The following PTHLH variants were observed in gnomAD, a reference collection of about 807,000 sequenced individuals.
PTHLH encodes the protein parathyroid hormone-related protein.
In PTHLH, 5 loss-of-function variants were observed where a neutral mutation model predicts 18.6. The observed-to-expected ratio is 0.27, with a 90% CI of 0.14 to 0.56. The LOEUF is 0.56. Among genes scored for constraint, PTHLH ranks in the 20% least tolerant of loss-of-function variants. The probability of loss-of-function intolerance (pLI) is 0.92; values close to 1 mark genes in which losing one functional copy is unlikely to be tolerated. For missense variants in PTHLH, 207 were observed against 223.9 expected (o/e 0.92, Z 0.48); for synonymous variants, 90 against 94.0 (o/e 0.96, Z 0.25).
intron 4 of PTHLH, chr12:27,969,151 C>T: frequency 1.8e-6 from 1 of 545,884 alleles, no homozygotes; most frequent in South Asian, 2.3e-5. Context: ...CTGTGAAACG[C>T]TCCCTCTTAT....
chr12:27,968,163 C>T (rs146791158), intron 4 of PTHLH, among the ~76,000 whole-genome samples: 2 of 152,070 alleles, frequency 1.3e-5, no homozygotes, highest in South Asian at 2.1e-4. Flanking sequence ...TACAATGCAG[C>T]CTTATCTTCG....
intron 4 of PTHLH, among the ~76,000 whole-genome samples, chr12:27,966,603 C>A (rs1017951451): frequency 4.6e-5 from 7 of 152,072 alleles, no homozygotes; most frequent in Non-Finnish European, 1.0e-4. Flanking sequence ...GTCTTTTACT[C>A]AATTTGTCTG....
At position 27,963,408 on chromosome 12, in the gene PTHLH, C is replaced by G; in HGVS notation, c.464G>C (p.Ser155Thr). The G allele has an allele frequency of 6.2e-7, 1 of 1,614,230 alleles. No individual in the cohort carries two copies. Among genetic ancestry groups the G allele is most frequent in the Non-Finnish European group, 8.5e-7 (1 of 1,180,046 alleles). Reference protein sequence around the residue: ...SAWLDSGVTGSGLEGDHLSDT... With the variant: ...SAWLDSGVTGTGLEGDHLSDT... ...AGACAGGTGGTCCCCTTCTAGCCCA[C>G]TCCCAGTCACTCCAGAGTCTAACCA... is the stretch of plus-strand genomic sequence containing the variant. Residue 155 changes from serine to threonine, a missense_variant, in exon 5 of 6, where the codon AGT becomes ACT. Coordinates refer to ENST00000545234, the MANE Select transcript of PTHLH (RefSeq NM_198965.2).
chr12:27,966,866 G>T (rs2120654026), intron 4 of PTHLH, among the ~76,000 whole-genome samples: 1 of 152,258 alleles, frequency 6.6e-6, no homozygotes, highest in South Asian at 2.1e-4. Flanking sequence ...AGGAACAGAG[G>T]GCATAAAAAC....
intron 5 of PTHLH, among the ~76,000 whole-genome samples, chr12:27,959,722 A>G (rs1183325449): frequency 6.6e-6 from 1 of 152,226 alleles, no homozygotes; most frequent in African/African-American, 2.4e-5. Context: ...AAAGTGTTTT[A>G]ATGTCTTAGG....
chr12:27,962,987 T>G, intron 5 of PTHLH: 2 of 1,156,926 alleles, frequency 1.7e-6, no homozygotes, highest in Non-Finnish European at 2.1e-6. Context: ...TTTGCCCAGG[T>G]GTGAGAGTAA....
intron 5 of PTHLH, among the ~76,000 whole-genome samples, chr12:27,961,331 ATAC>A: frequency 7.1e-6 from 1 of 140,388 alleles, no homozygotes; most frequent in African/African-American, 2.7e-5. Flanking sequence ...ACGTATATAT[ATAC>A]TTTTTGCCTC....
chr12:27,961,969 T>C, intron 5 of PTHLH: 1 of 718,096 alleles, frequency 1.4e-6, no homozygotes, highest in Admixed American at 2.1e-5. Flanking sequence ...TTTTCCTTTT[T>C]TTTTTTCAAA....
rs1015588325 is a variant in PTHLH, at chr12:27,958,438, G to T, written c.*121C>A. 1.1e-5 allele frequency: 10 copies of T among 951,360 alleles called. No homozygotes were observed. The highest frequency in any genetic ancestry group is 5.3e-5 in the South Asian group (2 of 37,808). The allele number at this position is 951,360 out of a possible 1,614,324, so 58.9% of individuals were successfully genotyped here. A position where few individuals can be genotyped will look rare whatever the true frequency, so the allele number is the denominator to read the frequency against. ...TGTGCAGTTTCATAGAGCAATGGGGGAGACAGTTTTATTCCAATGCATTTA... is the reference window on the plus strand; with the variant it reads ...TGTGCAGTTTCATAGAGCAATGGGGTAGACAGTTTTATTCCAATGCATTTA... On this transcript the variant is annotated 3_prime_UTR_variant, in exon 6 of 6. Coordinates refer to ENST00000545234, the MANE Select transcript of PTHLH (RefSeq NM_198965.2).
At chr12:27,970,714 G>T (rs2062864649) in intron 2 of PTHLH, among the ~76,000 whole-genome samples, 1 of 152,118 alleles carries the variant, frequency 6.6e-6, no homozygotes, top group African/African-American at 2.4e-5. Flanking sequence ...ACCAGGGGCG[G>T]ACCGACGAGG....
rs558106858 is a variant in PTHLH at position 27,970,921 on chromosome 12, G to T, written c.-265-654C>A. 7.9e-5 allele frequency among the ~76,000 whole-genome samples: 12 copies of T among 152,306 alleles called. 1 individual carries two copies. Among genetic ancestry groups the T allele is most frequent in the Admixed American group, 5.9e-4 (9 of 15,312 alleles). On this transcript the variant is annotated intron_variant, in intron 2 of 5. Coordinates refer to ENST00000545234, the MANE Select transcript of PTHLH (RefSeq NM_198965.2). ...TCGGCTAGAGAGAGGGAGATCTTTT[G>T]CTTAGAAGAACAAAAACAGTTCCAG...
chr12:27,965,349 A>T (rs184123979), intron 4 of PTHLH, among the ~76,000 whole-genome samples: 1 of 152,364 alleles, frequency 6.6e-6, no homozygotes, highest in East Asian at 1.9e-4. Context: ...GGGTATATGC[A>T]TGGGGCATAG....
intron 5 of PTHLH, chr12:27,962,985 G>A: frequency 8.6e-7 from 1 of 1,162,950 alleles, no homozygotes; most frequent in Non-Finnish European, 1.1e-6. Flanking sequence ...AGTTTGCCCA[G>A]GTGTGAGAGT....
At chr12:27,970,940 G>C (rs1420296205) in intron 2 of PTHLH, among the ~76,000 whole-genome samples, 1 of 152,184 alleles carries the variant, frequency 6.6e-6, no homozygotes, top group Non-Finnish European at 1.5e-5. Flanking sequence ...AACAAAAACA[G>C]TTCCAGATTT....
chr12:27,967,515 A>T (rs964794360), intron 4 of PTHLH, among the ~76,000 whole-genome samples: 7 of 152,220 alleles, frequency 4.6e-5, no homozygotes, highest in African/African-American at 1.4e-4. Flanking sequence ...TGGTAGACTT[A>T]TGTTTTGTCT....
chr12:27,962,805 A>G (rs1372964936), intron 5 of PTHLH: 1 of 970,234 alleles, frequency 1.0e-6, no homozygotes, highest in Non-Finnish European at 1.2e-6. Context: ...AGTTCTTTAC[A>G]TTAAAATAAA....
At chr12:27,960,718 A>C (rs1242119878) in intron 5 of PTHLH, among the ~76,000 whole-genome samples, 1 of 25,608 alleles carries the variant, frequency 3.9e-5, no homozygotes, top group Non-Finnish European at 8.8e-5. Context: ...ACTCTGTCTC[A>C]AAAAAAAAAA....
intron 5 of PTHLH, chr12:27,962,117 C>T: frequency 1.9e-6 from 1 of 524,284 alleles, no homozygotes; most frequent in Non-Finnish European, 3.3e-6. Context: ...TTGGGGCCAC[C>T]TATTTCAATT....
At chr12:27,958,704 T>A in intron 5 of PTHLH, 136 bp from the exon 6 acceptor site, 1 of 800,614 alleles carries the variant, frequency 1.2e-6, no homozygotes, top group Admixed American at 2.7e-5. Context: ...TTCTTGTAAA[T>A]ATCTCCTGCA....
Sources: allele counts gnomAD v4.1 joint callset (sites outside exome capture counted in the v4.1 genomes callset), GRCh38; gene constraint gnomAD v4.1.1; transcripts MANE v1.5; gene names NCBI Gene and HGNC (gene_info 2026-07-23, HGNC 2026-07-21).